Variants in RALGPS1 observed in about 807,000 individuals in gnomAD.
RALGPS1 encodes ras-specific guanine nucleotide-releasing factor RalGPS1.
RALGPS1 carries 19 observed loss-of-function variants against 78.8 expected under a neutral mutation model. The observed-to-expected ratio is 0.24, with a 90% CI of 0.17 to 0.35. The LOEUF (loss-of-function observed/expected upper bound fraction) is 0.35, where lower values mean the gene tolerates loss of function less well. Among genes scored for constraint, RALGPS1 ranks in the 10% least tolerant of loss-of-function variants. RALGPS1 has a pLI of 1.00. For synonymous variants in RALGPS1, 228 were observed against 256.3 expected (o/e 0.89, Z 1.06); for missense variants, 454 against 688.3 (o/e 0.66, Z 3.81).
At chr9:126,996,221 C>A (rs1433057020) in intron 4 of RALGPS1, among the ~76,000 whole-genome samples, 1 of 151,962 alleles carries the variant, frequency 6.6e-6, no homozygotes, top group Non-Finnish European at 1.5e-5. Flanking sequence ...AAAAACCCTT[C>A]AAAAAATTAA....
chr9:126,922,001 G>A (rs578046497), intron 1 of RALGPS1, among the ~76,000 whole-genome samples: 1 of 152,362 alleles, frequency 6.6e-6, no homozygotes, highest in East Asian at 1.9e-4. Context: ...GGGCTGGGAA[G>A]CATGTCCAGG....
chr9:127,069,754 G>A (rs1349017732), intron 8 of RALGPS1: 1 of 154,128 alleles, frequency 6.5e-6, no homozygotes, highest in Non-Finnish European at 1.4e-5. Context: ...TAAAATTATA[G>A]TAATGTTTAT....
chr9:126,959,198 A>G (rs1380047894), intron 1 of RALGPS1, among the ~76,000 whole-genome samples: 1 of 151,636 alleles, frequency 6.6e-6, no homozygotes, highest in East Asian at 1.9e-4. Context: ...AGTAGCTGGG[A>G]TTACAGGCAT....
chr9:126,975,482 C>A (rs1002186673), intron 3 of RALGPS1, among the ~76,000 whole-genome samples: 29 of 152,226 alleles, frequency 1.9e-4, no homozygotes, highest in African/African-American at 7.0e-4. Flanking sequence ...CCTGCCGGTT[C>A]TCCCGGATAG....
intron 7 of RALGPS1, among the ~76,000 whole-genome samples, chr9:127,062,381 A>G (rs996703726): frequency 3.9e-5 from 6 of 152,228 alleles, no homozygotes; most frequent in Non-Finnish European, 8.8e-5. Context: ...TAGAGGTGTG[A>G]GCTGCCGCGC....
intron 8 of RALGPS1, among the ~76,000 whole-genome samples, chr9:127,074,720 A>G (rs1213121301): frequency 6.6e-6 from 1 of 152,256 alleles, no homozygotes; most frequent in Non-Finnish European, 1.5e-5. Flanking sequence ...AGCCCAGTGA[A>G]TAAGCAGGCA....
In RALGPS1 at chr9:127,183,871, C is replaced by T. The variant is rs1296416792; in HGVS notation, c.910+9089C>T. ...CACATCTCCTTTGTTCTTGAGTCTC[C>T]CATCTCAGCAGCCTGTCACATCAAG... On this transcript the variant is annotated intron_variant, in intron 11 of 18. Coordinates refer to ENST00000259351, the MANE Select transcript of RALGPS1 (RefSeq NM_014636.3). The surrounding 1 kb of genome is among the most constrained non-coding windows in gnomAD (Gnocchi z 4.0). 6.5e-7 allele frequency: 1 copy of T among 1,548,278 alleles called. No homozygotes were observed. Among genetic ancestry groups the T allele is most frequent in the Non-Finnish European group, 8.7e-7 (1 of 1,146,466 alleles).
intron 17 of RALGPS1, chr9:127,213,951 G>A (rs978326911): frequency 2.6e-5 from 4 of 152,232 alleles, no homozygotes; most frequent in Non-Finnish European, 4.4e-5. Context: ...GAAACAAAGG[G>A]AGCCTCCAGG....
At chr9:127,128,219 T>A (rs2056768976) in intron 8 of RALGPS1, among the ~76,000 whole-genome samples, 1 of 152,238 alleles carries the variant, frequency 6.6e-6, no homozygotes, top group African/African-American at 2.4e-5. Flanking sequence ...GGTGTATATG[T>A]GCCACATTTT....
intron 1 of RALGPS1, among the ~76,000 whole-genome samples, chr9:126,949,701 T>A (rs1323768463): frequency 4.6e-5 from 7 of 152,220 alleles, no homozygotes; most frequent in Non-Finnish European, 1.5e-5. Flanking sequence ...TCATTGTAGA[T>A]TCTGGATATT....
chr9:127,093,680 G>A lies in RALGPS1; in HGVS notation c.610+24324G>A, dbSNP rs1048049933. 36 of 1,597,660 alleles carry A rather than the reference G, an allele frequency of 2.3e-5. 1 individual carries two copies. The Middle Eastern group carries it at 5.0e-4, about 22-fold the overall frequency. ...TCTATTGGTTGCTCAGGCCTCTCTTGGGGTGGGCCAGTCACCTTGTGGGCA... is the reference window on the plus strand; with the variant it reads ...TCTATTGGTTGCTCAGGCCTCTCTTAGGGTGGGCCAGTCACCTTGTGGGCA... On this transcript the variant is annotated intron_variant, in intron 8 of 18. Coordinates refer to ENST00000259351, the MANE Select transcript of RALGPS1 (RefSeq NM_014636.3).
At chr9:126,949,556 A>G (rs2037611419) in intron 1 of RALGPS1, among the ~76,000 whole-genome samples, 1 of 152,196 alleles carries the variant, frequency 6.6e-6, no homozygotes, top group Admixed American at 6.5e-5. Flanking sequence ...CATTTCTCTG[A>G]TGACCAGTGA....
chr9:127,127,631 TG>T (rs2056714460), intron 8 of RALGPS1, among the ~76,000 whole-genome samples: 1 of 152,090 alleles, frequency 6.6e-6, no homozygotes, highest in Admixed American at 6.5e-5. Context: ...CAAGCCCTGT[TG>T]GAGCACCTTA....
intron 4 of RALGPS1, chr9:126,978,015 C>T (rs1264906877): frequency 3.2e-6 from 1 of 309,374 alleles, no homozygotes; most frequent in Non-Finnish European, 5.9e-6. Flanking sequence ...GGTCTTAACA[C>T]CCTCATTCCT....
Position 127,212,174 on chromosome 9 carries a change from G to T in RALGPS1, c.1291G>T (p.Val431Leu). Residue 431 changes from valine to leucine, a missense_variant, in exon 15 of 19, where the codon GTG becomes TTG. Physicochemically the swap from Val to Leu is conservative, Grantham distance 32. Coordinates refer to ENST00000259351, the MANE Select transcript of RALGPS1 (RefSeq NM_014636.3). This position sits in a 1 kb window ranked among gnomAD's most constrained non-coding sequence, Gnocchi z 6.0. Reference sequence around the variant, plus strand: ...CTGTTCTCTGGGGAACTCCGCAGCTGTGCCCACCATGGAGGGGCCTCTGAG... The same window carrying T: ...CTGTTCTCTGGGGAACTCCGCAGCTTTGCCCACCATGGAGGGGCCTCTGAG... ...CICSLGNSAA[V>L]PTMEGPLRRK... The T allele has an allele frequency of 6.2e-7, 1 of 1,613,910 alleles. No individual in the cohort carries two copies. The highest frequency in any genetic ancestry group is 8.5e-7 in the Non-Finnish European group (1 of 1,179,928).
At chr9:127,184,011 C>T (rs753541849) in intron 11 of RALGPS1, 103 of 1,549,692 alleles carry the variant, frequency 6.6e-5, no homozygotes, top group Middle Eastern at 3.3e-4. Context: ...CCGCGCTCCC[C>T]GTGGCCTAGG....
At chr9:127,182,205 C>T (rs892863476) in intron 11 of RALGPS1, among the ~76,000 whole-genome samples, 1 of 151,298 alleles carries the variant, frequency 6.6e-6, no homozygotes, top group African/African-American at 2.4e-5. Flanking sequence ...ATTAGCAAGG[C>T]GTGGTAACTT....
chr9:126,930,799 C>T (rs995618137), intron 1 of RALGPS1, among the ~76,000 whole-genome samples: 1 of 152,132 alleles, frequency 6.6e-6, no homozygotes, highest in Non-Finnish European at 1.5e-5. Flanking sequence ...TTTATTTTTC[C>T]AGATTCTTAT....
At chr9:127,149,782 G>A (rs2058316175) in intron 8 of RALGPS1, among the ~76,000 whole-genome samples, 1 of 152,218 alleles carries the variant, frequency 6.6e-6, no homozygotes, top group Non-Finnish European at 1.5e-5. Flanking sequence ...TCCAACTGTG[G>A]GCCAAGAGAC....
Sources: allele counts gnomAD v4.1 joint callset (sites outside exome capture counted in the v4.1 genomes callset), GRCh38; gene constraint gnomAD v4.1.1; non-coding constraint Gnocchi (gnomAD v3.1); transcripts MANE v1.5; gene names NCBI Gene and HGNC (gene_info 2026-07-23, HGNC 2026-07-21).